Variants in CCDC68 observed in about 807,000 individuals in gnomAD.
The protein encoded by CCDC68 is coiled-coil domain containing 68, also known as coiled-coil domain-containing protein 68.
CCDC68 carries 45 observed loss-of-function variants against 47.1 expected under a neutral mutation model. That is an observed-to-expected ratio of 0.96 (90% CI 0.75 to 1.23). CCDC68 has a LOEUF of 1.23. Among genes scored for constraint, CCDC68 ranks in the 50% most tolerant of loss-of-function variants. The pLI, the probability that CCDC68 is intolerant of heterozygous loss-of-function variation, is 0.00. For synonymous variants in CCDC68, 131 were observed against 129.5 expected (o/e 1.01, Z -0.08); for missense variants, 353 against 373.6 (o/e 0.94, Z 0.45).
intron 10 of CCDC68, among the ~76,000 whole-genome samples, chr18:54,915,345 C>T (rs970116175): frequency 1.3e-5 from 2 of 152,106 alleles, no homozygotes; most frequent in African/African-American, 4.8e-5. Context: ...ACTGTAGTAG[C>T]CACTCAATAA....
At chr18:54,946,990 T>A (rs1187263251) in intron 1 of CCDC68, among the ~76,000 whole-genome samples, 2 of 152,248 alleles carry the variant, frequency 1.3e-5, no homozygotes, top group Non-Finnish European at 2.9e-5. Context: ...TGTATCCATA[T>A]GAAATTAAAT....
At chr18:54,943,705 T>C (rs1002624093) in intron 2 of CCDC68, among the ~76,000 whole-genome samples, 5 of 152,224 alleles carry the variant, frequency 3.3e-5, no homozygotes, top group African/African-American at 1.2e-4. Flanking sequence ...AGTGGAAATA[T>C]TGGTATTGCC....
intron 10 of CCDC68, among the ~76,000 whole-genome samples, chr18:54,910,918 AG>A (rs564026270): frequency 6.6e-6 from 1 of 152,204 alleles, no homozygotes; most frequent in Admixed American, 6.5e-5. Flanking sequence ...TGCAAGGGCA[AG>A]GGGGGCCTTC....
At chr18:54,911,230 A>G (rs1319530677) in intron 10 of CCDC68, among the ~76,000 whole-genome samples, 2 of 151,776 alleles carry the variant, frequency 1.3e-5, no homozygotes, top group East Asian at 1.9e-4. Flanking sequence ...TATTTTTTTT[A>G]GTAGAGACAG....
intron 7 of CCDC68, among the ~76,000 whole-genome samples, chr18:54,934,464 A>C (rs893325933): frequency 1.0e-3 from 152 of 152,178 alleles, no homozygotes; most frequent in African/African-American, 3.6e-3. Flanking sequence ...ATTACAGGGA[A>C]CTGCTACATT....
intron 1 of CCDC68, among the ~76,000 whole-genome samples, chr18:54,955,733 T>C (rs1017610110): frequency 2.0e-5 from 3 of 152,194 alleles, no homozygotes; most frequent in African/African-American, 7.2e-5. Context: ...TGTTTGTTTG[T>C]TTGAGGCAGA....
intron 1 of CCDC68, among the ~76,000 whole-genome samples, chr18:54,958,300 C>T (rs774757580): frequency 1.1e-4 from 16 of 152,096 alleles, no homozygotes; most frequent in Admixed American, 2.0e-4. Flanking sequence ...AGAGAGTGGG[C>T]AGCGGGGGAA....
chr18:54,933,535 T>C (rs534269646), intron 7 of CCDC68, among the ~76,000 whole-genome samples: 1 of 152,386 alleles, frequency 6.6e-6, no homozygotes, highest in Non-Finnish European at 1.5e-5. Context: ...CAGAATTGTC[T>C]TTCTTTCCTT....
chr18:54,914,033 G>A (rs2043900867), intron 10 of CCDC68, among the ~76,000 whole-genome samples: 1 of 152,110 alleles, frequency 6.6e-6, no homozygotes, highest in Non-Finnish European at 1.5e-5. Context: ...TTATTTGTTT[G>A]TTGTCTGTTT....
At chr18:54,957,967 C>T (rs1248865969) in intron 1 of CCDC68, 1 of 152,162 alleles carries the variant, frequency 6.6e-6, no homozygotes, top group Admixed American at 6.5e-5. Context: ...ATTTGGATTA[C>T]AACTCACCTT....
At chr18:54,916,070 G>T (rs2043946261) in intron 10 of CCDC68, among the ~76,000 whole-genome samples, 1 of 152,088 alleles carries the variant, frequency 6.6e-6, no homozygotes, top group Non-Finnish European at 1.5e-5. Flanking sequence ...TCATACAAGG[G>T]GACTCCACTG....
At chr18:54,910,384 G>A (rs892467673) in intron 10 of CCDC68, among the ~76,000 whole-genome samples, 1 of 152,190 alleles carries the variant, frequency 6.6e-6, no homozygotes, top group African/African-American at 2.4e-5. Flanking sequence ...CTCTGCAGCT[G>A]GTCATCCCAG....
intron 5 of CCDC68, 87 bp from the exon 6 acceptor site, chr18:54,937,045 A>G: frequency 7.8e-7 from 1 of 1,288,394 alleles, no homozygotes; most frequent in Non-Finnish European, 1.1e-6. Flanking sequence ...TAAGAACACC[A>G]AAGGTATAAC....
intron 7 of CCDC68, among the ~76,000 whole-genome samples, chr18:54,934,579 CAA>C (rs1210447942): frequency 1.3e-5 from 2 of 152,030 alleles, no homozygotes; most frequent in Non-Finnish European, 2.9e-5. Context: ...GAGAAAGTGA[CAA>C]ATGATGATAT....
Position 54,903,491 on chromosome 18 carries a change from A to C in CCDC68, c.*867T>G, listed in dbSNP as rs1051552750. On this transcript the variant is annotated 3_prime_UTR_variant, in exon 12 of 12. Coordinates refer to ENST00000591504, the MANE Select transcript of CCDC68 (RefSeq NM_025214.3). Reference sequence around the variant, plus strand: ...TTTCTGGCTGCAGACAGCAGTCATTATTCCTTTGAGCCTATAATATATACA... The same window carrying C: ...TTTCTGGCTGCAGACAGCAGTCATTCTTCCTTTGAGCCTATAATATATACA... The C allele has an allele frequency of 1.3e-5, 2 of 152,202 alleles. No homozygotes were observed. The highest frequency in any genetic ancestry group is 1.3e-4 in the Admixed American group (2 of 15,276). 9.4% of individuals were successfully genotyped at this position (152,202 alleles called of 1,614,324 possible). A position where few individuals can be genotyped will look rare whatever the true frequency, so the allele number is the denominator to read the frequency against.
At chr18:54,913,134 T>A (rs557015779) in intron 10 of CCDC68, among the ~76,000 whole-genome samples, 2 of 152,346 alleles carry the variant, frequency 1.3e-5, no homozygotes, top group East Asian at 3.9e-4. Flanking sequence ...TGCTGAATGA[T>A]TTTAAACAGG....
rs2044356997 is a variant in CCDC68, at chr18:54,936,829, G to A, written c.471+4C>T. The A allele has an allele frequency of 1.9e-6, 3 of 1,613,914 alleles. No individual in the cohort carries two copies. The highest frequency in any genetic ancestry group is 3.3e-5 in the Admixed American group (2 of 59,992). On this transcript the variant is annotated splice_donor_region_variant and intron_variant, in intron 6 of 11. Coordinates refer to ENST00000591504, the MANE Select transcript of CCDC68 (RefSeq NM_025214.3). The stretch of plus-strand genomic sequence containing the variant: ...CTCCAATAGACAAGCTGCATGTTTG[G>A]TACCTGGAGTAATTGTTTACTGTCC...
In CCDC68 at chr18:54,919,154, G is replaced by A. The variant is rs749937223; in HGVS notation, c.789+117C>T. 4.0e-6 allele frequency: 3 copies of A among 753,584 alleles called. No individual in the cohort carries two copies. In the Admixed American group the frequency reaches 6.1e-5, roughly 15 times the overall value. The allele number at this position is 753,584 out of a possible 1,614,324, so 46.7% of individuals were successfully genotyped here. ...ACATATTGCATGAGAAACAAAAAAGGATATGTCAGTAGGGAGAGAAATCTC... is the reference window on the plus strand; with the variant it reads ...ACATATTGCATGAGAAACAAAAAAGAATATGTCAGTAGGGAGAGAAATCTC... On this transcript the variant is annotated intron_variant, in intron 9 of 11. Transcript: ENST00000591504.
intron 3 of CCDC68, among the ~76,000 whole-genome samples, chr18:54,941,860 A>T (rs1568157659): frequency 6.6e-6 from 1 of 152,024 alleles, no homozygotes; most frequent in Non-Finnish European, 1.5e-5. Context: ...CAATGGTGTG[A>T]TCTCTGCTCA....
Sources: gnomAD v4.1 joint callset for allele counts (sites outside exome capture counted in the v4.1 genomes callset) on GRCh38, gnomAD v4.1.1 for gene constraint, MANE v1.5 for transcripts, NCBI Gene and HGNC (gene_info 2026-07-23, HGNC 2026-07-21) for gene names.